The following GLYATL1B variants were observed in gnomAD, a reference collection of about 807,000 sequenced individuals.
GLYATL1B encodes glycine-N-acyltransferase like 1B.
Under a neutral mutation model 5.5 loss-of-function variants are expected in GLYATL1B, and 6 were observed. The observed-to-expected ratio is 1.09, with a 90% CI of 0.60 to 2.15. GLYATL1B has a LOEUF of 2.15. Ranked by LOEUF, GLYATL1B falls within the 30% of genes most tolerant of loss-of-function variation. GLYATL1B has a pLI of 0.00. For missense variants in GLYATL1B, 135 were observed against 94.1 expected (o/e 1.43, Z -1.80); for synonymous variants, 67 against 34.9 (o/e 1.92, Z -3.24).
intron 2 of GLYATL1B, among the ~76,000 whole-genome samples, chr11:59,093,126 C>T (rs1439355937): frequency 6.6e-6 from 1 of 152,106 alleles, no homozygotes. Context: ...GTGAGAGAAG[C>T]AGGGAGAGAA....
chr11:59,090,300 G>T (rs1160822073), intron 2 of GLYATL1B, among the ~76,000 whole-genome samples: 1 of 151,828 alleles, frequency 6.6e-6, no homozygotes, highest in Non-Finnish European at 1.5e-5. Context: ...TAATTTTTCA[G>T]TTCCCCAATT....
At chr11:59,089,544 T>A (rs927985404) in intron 2 of GLYATL1B, among the ~76,000 whole-genome samples, 1 of 152,182 alleles carries the variant, frequency 6.6e-6, no homozygotes, top group African/African-American at 2.4e-5. Flanking sequence ...AACTGGTGGG[T>A]GAAAAGTGGC....
intron 3 of GLYATL1B, 24 bp from the exon 4 acceptor site, chr11:59,093,910 A>T: frequency 1.5e-6 from 1 of 652,436 alleles, no homozygotes; most frequent in Non-Finnish European, 2.8e-6. Flanking sequence ...GTCTGACAAT[A>T]TTGCTTTCTT....
Position 59,094,432 on chromosome 11 carries a change from C to T in GLYATL1B, c.555C>T (p.Asn185=). 2 of 678,268 alleles carry T rather than the reference C, an allele frequency of 2.9e-6. No individual in the cohort carries two copies. The highest frequency in any genetic ancestry group is 5.4e-6 in the Non-Finnish European group (2 of 373,120). 42.0% of individuals were successfully genotyped at this position (678,268 alleles called of 1,614,324 possible). Residue 185 remains asparagine (N), a synonymous_variant, in exon 5 of 5, where the codon AAC becomes AAT. Transcript: ENST00000527482. ...NVSYSGLVND[N]WKLGMNKRSL... is the part of the protein sequence containing the mutation. ...CTTATTCTGGGCTGGTAAATGACAA[C>T]TGGAAGCTAGGGATGAATAAGAGGA... is the stretch of plus-strand genomic sequence containing the variant.
chr11:59,091,897 T>C (rs954892354), intron 2 of GLYATL1B, among the ~76,000 whole-genome samples: 1 of 152,156 alleles, frequency 6.6e-6, no homozygotes, highest in Non-Finnish European at 1.5e-5. Flanking sequence ...AAGAATAAAA[T>C]ATTGTCCTTT....
At chr11:59,089,434 C>G (rs1590871334) in intron 2 of GLYATL1B, among the ~76,000 whole-genome samples, 1 of 152,184 alleles carries the variant, frequency 6.6e-6, no homozygotes, top group East Asian at 1.9e-4. Flanking sequence ...ACTACCCTCC[C>G]AAAGGATTCC....
At chr11:59,093,729 C>T in intron 3 of GLYATL1B, 74 bp downstream of exon 3, 1 of 435,726 alleles carries the variant, frequency 2.3e-6, no homozygotes, top group East Asian at 3.5e-5. Flanking sequence ...ATTAGCATCA[C>T]CTGAGAGCTC....
chr11:59,089,554 C>T (rs935367939), intron 2 of GLYATL1B, among the ~76,000 whole-genome samples: 1 of 152,124 alleles, frequency 6.6e-6, no homozygotes, highest in Non-Finnish European at 1.5e-5. Flanking sequence ...TGAAAAGTGG[C>T]ATCTTATTGT....
chr11:59,093,433 C>T lies in GLYATL1B; in HGVS notation c.187-96C>T, dbSNP rs1859362348. The T allele has an allele frequency of 2.8e-5, 12 of 431,938 alleles. No homozygotes were observed. In the East Asian group the frequency reaches 3.4e-4, roughly 12 times the overall value. The allele number at this position is 431,938 out of a possible 1,614,324, so 26.8% of individuals were successfully genotyped here. A position where few individuals can be genotyped will look rare whatever the true frequency, so the allele number is the denominator to read the frequency against. ...CAGCCATCGTGGGCTAGTGCTAAAACTTTCTTTTGAATTTTCATTTTTCTA... is the reference window on the plus strand; with the variant it reads ...CAGCCATCGTGGGCTAGTGCTAAAATTTTCTTTTGAATTTTCATTTTTCTA... On this transcript the variant is annotated intron_variant, in intron 2 of 4. Transcript: ENST00000527482.
chr11:59,092,381 T>G (rs1030020133), intron 2 of GLYATL1B, among the ~76,000 whole-genome samples: 1 of 152,194 alleles, frequency 6.6e-6, no homozygotes, highest in African/African-American at 2.4e-5. Context: ...GATATTCTTT[T>G]TATAATTCTT....
At chr11:59,088,090 A>G (rs1859227974) in intron 2 of GLYATL1B, among the ~76,000 whole-genome samples, 1 of 152,224 alleles carries the variant, frequency 6.6e-6, no homozygotes, top group Non-Finnish European at 1.5e-5. Flanking sequence ...GGACTCTGCC[A>G]CTTTTACTAG....
In GLYATL1B at chr11:59,086,459, C is replaced by T. The variant is rs145439559; in HGVS notation, c.78+75C>T. The T allele has an allele frequency of 5.9e-4, 236 of 396,988 alleles. 1 individual carries two copies. In the East Asian group the frequency reaches 7.7e-3, roughly 13 times the overall value. 24.6% of individuals were successfully genotyped at this position (396,988 alleles called of 1,614,324 possible). A position where few individuals can be genotyped will look rare whatever the true frequency, so the allele number is the denominator to read the frequency against. ...GAGAAACTAACAGGCTCATGAATCT[C>T]GTCCTTCCTGACTTTGTGCAGAGGG... On this transcript the variant is annotated intron_variant, in intron 1 of 4. Transcript: ENST00000527482.
In GLYATL1B at chr11:59,087,305, G is replaced by A. The variant is rs534499911; in HGVS notation, c.186+134G>A. On this transcript the variant is annotated intron_variant, in intron 2 of 4. Transcript: ENST00000527482. ...ATTTTAAAACACTCCTTCAGTACTGGGCAGCTTGCGTGAGTGCCACATGTT... is the reference window on the plus strand; with the variant it reads ...ATTTTAAAACACTCCTTCAGTACTGAGCAGCTTGCGTGAGTGCCACATGTT... 1.2e-3 allele frequency: 490 copies of A among 405,378 alleles called. 1 individual carries two copies. Among genetic ancestry groups the A allele is most frequent in the African/African-American group, 7.9e-3 (388 of 49,044 alleles). 25.1% of individuals were successfully genotyped at this position (405,378 alleles called of 1,614,324 possible).
intron 2 of GLYATL1B, among the ~76,000 whole-genome samples, chr11:59,091,644 G>A (rs1212974536): frequency 6.6e-6 from 1 of 152,222 alleles, no homozygotes. Context: ...ACTGTGGAAA[G>A]TAGTCTGGAA....
intron 2 of GLYATL1B, among the ~76,000 whole-genome samples, chr11:59,089,024 T>C (rs948110408): frequency 2.0e-5 from 3 of 152,200 alleles, no homozygotes; most frequent in Admixed American, 2.0e-4. Context: ...TAATAACCTC[T>C]CACCTCTTTG....
At chr11:59,089,084 A>T (rs1859253695) in intron 2 of GLYATL1B, among the ~76,000 whole-genome samples, 1 of 152,182 alleles carries the variant, frequency 6.6e-6, no homozygotes, top group Non-Finnish European at 1.5e-5. Flanking sequence ...GTCCTTGGCC[A>T]TATTAACACA....
intron 2 of GLYATL1B, among the ~76,000 whole-genome samples, chr11:59,090,637 G>A (rs1295215368): frequency 6.6e-6 from 1 of 151,712 alleles, no homozygotes; most frequent in Non-Finnish European, 1.5e-5. Flanking sequence ...GTCACACTAT[G>A]CTTTAAAATC....
chr11:59,091,635 C>T (rs1859313555), intron 2 of GLYATL1B, among the ~76,000 whole-genome samples: 1 of 152,156 alleles, frequency 6.6e-6, no homozygotes, highest in Admixed American at 6.5e-5. Flanking sequence ...GATTATTACA[C>T]TGTGGAAAGT....
intron 2 of GLYATL1B, 75 bp downstream of exon 2, chr11:59,087,246 T>C (rs1254414685): frequency 6.5e-6 from 3 of 461,190 alleles, no homozygotes; most frequent in East Asian, 6.3e-5. Context: ...TCAGACACCA[T>C]GGCTGCTTTT....
Sources: allele counts gnomAD v4.1 joint callset (sites outside exome capture counted in the v4.1 genomes callset), GRCh38; gene constraint gnomAD v4.1.1; transcripts MANE v1.5; gene names NCBI Gene and HGNC (gene_info 2026-07-23, HGNC 2026-07-21).